The following NSRP1 variants were observed in gnomAD, a reference collection of about 807,000 sequenced individuals.
The protein encoded by NSRP1 is nuclear speckle splicing regulatory protein 1.
In NSRP1, 24 loss-of-function variants were observed where a neutral mutation model predicts 54.7. The observed-to-expected ratio is 0.44, with a 90% CI of 0.32 to 0.62. The LOEUF is 0.62. NSRP1 is among the 20% of genes least tolerant of loss of function. NSRP1 has a pLI of 0.06. For missense variants in NSRP1, 596 were observed against 651.2 expected (o/e 0.92, Z 0.92); for synonymous variants, 210 against 213.8 (o/e 0.98, Z 0.15).
chr17:30,155,286 G>A (rs1273594392), intron 2 of NSRP1, among the ~76,000 whole-genome samples: 2 of 151,642 alleles, frequency 1.3e-5, no homozygotes, highest in African/African-American at 4.8e-5. Flanking sequence ...CTTCCTTGTT[G>A]GAAACTCTTA....
Position 30,180,896 on chromosome 17 carries a change from T to C in NSRP1, c.509-12T>C. ...ATTGAATATATTCTAATTTTTGCTT[T>C]CCCTCTGTTAGCATGTTTGGATGTA... On this transcript the variant is annotated splice_polypyrimidine_tract_variant and intron_variant, in intron 5 of 6. Transcript: ENST00000247026. 2 of 1,570,490 alleles carry C rather than the reference T, an allele frequency of 1.3e-6. No individual in the cohort carries two copies. Among genetic ancestry groups the C allele is most frequent in the Non-Finnish European group, 1.8e-6 (2 of 1,141,638 alleles).
intron 2 of NSRP1, among the ~76,000 whole-genome samples, chr17:30,123,396 A>G (rs1209261296): frequency 6.6e-6 from 1 of 152,338 alleles, no homozygotes; most frequent in Middle Eastern, 3.4e-3. Flanking sequence ...GATTACAGGC[A>G]TGAGCCACCG....
At chr17:30,117,959 C>A in intron 1 of NSRP1, 121 bp from the exon 2 acceptor site, 1 of 740,150 alleles carries the variant, frequency 1.4e-6, no homozygotes, top group East Asian at 2.5e-5. Flanking sequence ...CAGTCTGTTA[C>A]GTGTTCATAA....
At chr17:30,129,740 C>T (rs8080343) in intron 2 of NSRP1, among the ~76,000 whole-genome samples, 76,088 of 151,868 alleles carry the variant, frequency 0.5, 19,597 homozygotes, top group East Asian at 0.82. Context: ...TCAGATAATG[C>T]CTTACTTCTG....
rs566068303 is a variant in NSRP1, at chr17:30,175,547, C to T, written c.172-2524C>T. Among the ~76,000 whole-genome samples, 3 of 152,144 alleles carry T rather than the reference C, an allele frequency of 2.0e-5. No homozygotes were observed. The South Asian group carries it at 6.2e-4, about 32-fold the overall frequency. ...CTCCTGGATTCAAGCGATTTTTCTG[C>T]CTTAGCCTCCTGATAGCTGGGATTT... is the stretch of plus-strand genomic sequence containing the variant. On this transcript the variant is annotated intron_variant, in intron 3 of 6. Coordinates refer to ENST00000247026, the MANE Select transcript of NSRP1 (RefSeq NM_032141.4).
chr17:30,127,873 A>G (rs774415559), intron 2 of NSRP1: 3 of 397,374 alleles, frequency 7.5e-6, no homozygotes, highest in Non-Finnish European at 8.9e-6. Flanking sequence ...TTGCTCTTTC[A>G]CCCAGGATGG....
intron 2 of NSRP1, among the ~76,000 whole-genome samples, chr17:30,120,576 G>A (rs2071588223): frequency 6.6e-6 from 1 of 152,124 alleles, no homozygotes; most frequent in Non-Finnish European, 1.5e-5. Context: ...TTCAACCAGT[G>A]TCTAGTCTAG....
intron 5 of NSRP1, 84 bp downstream of exon 5, chr17:30,179,381 T>C (rs1322194412): frequency 1.4e-5 from 20 of 1,429,400 alleles, no homozygotes; most frequent in Non-Finnish European, 1.7e-5. Context: ...GTCACTGAAC[T>C]TTAGGGTTAT....
At chr17:30,141,559 AC>A (rs2071805112) in intron 2 of NSRP1, among the ~76,000 whole-genome samples, 1 of 152,160 alleles carries the variant, frequency 6.6e-6, no homozygotes, top group Non-Finnish European at 1.5e-5. Flanking sequence ...ACATTTTGTG[AC>A]AATTCATGTA....
intron 2 of NSRP1, among the ~76,000 whole-genome samples, chr17:30,171,976 C>CCCT (rs1904959777): frequency 1.2e-5 from 1 of 80,348 alleles, no homozygotes; most frequent in East Asian, 5.7e-4. Flanking sequence ...ACACACACTC[C>CCCT]CTCTCTCTCT....
chr17:30,132,426 C>T (rs577380216), intron 2 of NSRP1, among the ~76,000 whole-genome samples: 5 of 151,904 alleles, frequency 3.3e-5, no homozygotes, highest in Admixed American at 1.3e-4. Flanking sequence ...TGGTGGCGTG[C>T]GCCTGTAATC....
intron 2 of NSRP1, chr17:30,150,802 C>T (rs902820055): frequency 8.6e-5 from 13 of 150,458 alleles, no homozygotes; most frequent in Admixed American, 8.0e-4. Context: ...ATTCTCCTGC[C>T]TCAGCCTCTG....
At chr17:30,179,338 A>C (rs1350434665) in intron 5 of NSRP1, 41 bp downstream of exon 5, 1 of 1,523,652 alleles carries the variant, frequency 6.6e-7, no homozygotes, top group Non-Finnish European at 8.8e-7. Context: ...AAACAGTAGC[A>C]GAATCTCTCC....
intron 2 of NSRP1, among the ~76,000 whole-genome samples, chr17:30,122,247 CT>C (rs1401482571): frequency 2.0e-5 from 3 of 147,550 alleles, no homozygotes; most frequent in Non-Finnish European, 4.5e-5. Context: ...GCTATAAATA[CT>C]TGTGTATAGG....
intron 2 of NSRP1, among the ~76,000 whole-genome samples, chr17:30,139,140 A>G (rs2071779954): frequency 6.7e-6 from 1 of 149,488 alleles, no homozygotes; most frequent in Non-Finnish European, 1.5e-5. Context: ...GATGGTCTCA[A>G]TCTCCTGACC....
intron 1 of NSRP1, 24 bp from the exon 2 acceptor site, chr17:30,118,043 AAAGGTTTAATTTC>A: frequency 2.0e-6 from 3 of 1,487,730 alleles, no homozygotes; most frequent in Non-Finnish European, 2.8e-6. Flanking sequence ...ATTTAAACAT[AAAGGTTTAATTTC>A]TATTTCAAAA....
chr17:30,159,463 C>G (rs927477690), intron 2 of NSRP1, among the ~76,000 whole-genome samples: 2 of 151,520 alleles, frequency 1.3e-5, no homozygotes, highest in Non-Finnish European at 2.9e-5. Context: ...TTTTAATTTC[C>G]TTCTCTTACC....
rs565571479 is a variant in NSRP1, at chr17:30,117,188, C to T, written c.20+325C>T. On this transcript the variant is annotated intron_variant, in intron 1 of 6. Coordinates refer to ENST00000247026, the MANE Select transcript of NSRP1 (RefSeq NM_032141.4). ...TAACCCGCGCTTGAGTTTCTCCCCGCTTGGATGCTCTCAGGGGCAGTGTGA... is the reference window on the plus strand; with the variant it reads ...TAACCCGCGCTTGAGTTTCTCCCCGTTTGGATGCTCTCAGGGGCAGTGTGA... The T allele has an allele frequency of 8.7e-6, 6 of 687,456 alleles. No homozygotes were observed. In the Admixed American group the frequency reaches 1.3e-4, roughly 15 times the overall value. The allele number at this position is 687,456 out of a possible 1,614,324, so 42.6% of individuals were successfully genotyped here.
intron 2 of NSRP1, among the ~76,000 whole-genome samples, chr17:30,127,433 G>A (rs1365648565): frequency 6.6e-6 from 1 of 152,078 alleles, no homozygotes; most frequent in African/African-American, 2.4e-5. Flanking sequence ...ACTTTTTTTG[G>A]AGACAAGGTT....
Sources: gnomAD v4.1 joint callset for allele counts (sites outside exome capture counted in the v4.1 genomes callset) on GRCh38, gnomAD v4.1.1 for gene constraint, MANE v1.5 for transcripts, NCBI Gene and HGNC (gene_info 2026-07-23, HGNC 2026-07-21) for gene names.